The following GALNT13 variants were observed in gnomAD, a reference collection of about 807,000 sequenced individuals.
The protein encoded by GALNT13 is polypeptide N-acetylgalactosaminyltransferase 13, also known as UDP-GalNAc:polypeptide N-acetylgalactosaminyltransferase 13.
A neutral mutation model predicts 64.2 loss-of-function variants in GALNT13; 28 were observed. The observed-to-expected ratio is 0.44, with a 90% CI of 0.32 to 0.60. The LOEUF (loss-of-function observed/expected upper bound fraction) is 0.60. GALNT13 is among the 20% of genes least tolerant of loss of function. The pLI, the probability that GALNT13 is intolerant of heterozygous loss-of-function variation, is 0.05. For missense variants in GALNT13, 577 were observed against 669.8 expected, an observed-to-expected ratio of 0.86 and a Z score of 1.53; for synonymous variants, 214 against 224.6, an observed-to-expected ratio of 0.95 and a Z score of 0.42.
intron 9 of GALNT13, among the ~76,000 whole-genome samples, chr2:154,369,696 C>G (rs867962838): frequency 2.0e-5 from 3 of 152,102 alleles, no homozygotes; most frequent in African/African-American, 7.2e-5. Context: ...GGCAGATATT[C>G]GAATCACAGC....
At chr2:154,424,111 T>TA (rs1700370839) in intron 11 of GALNT13, among the ~76,000 whole-genome samples, 1 of 152,148 alleles carries the variant, frequency 6.6e-6, no homozygotes, top group African/African-American at 2.4e-5. Context: ...ATATGATGAC[T>TA]AAAAATATAT....
chr2:153,609,373 A>G, the GALNT13 span, among the ~76,000 whole-genome samples: 1 of 152,342 alleles, frequency 6.6e-6, no homozygotes, highest in African/African-American at 2.4e-5. Flanking sequence ...ATCATAGTTC[A>G]TAATGACTTC....
At chr2:153,610,698 T>A in the GALNT13 span, among the ~76,000 whole-genome samples, 2 of 151,650 alleles carry the variant, frequency 1.3e-5, no homozygotes, top group Admixed American at 6.6e-5. Flanking sequence ...ATAAACAGAT[T>A]GGGTTAAAAA....
the GALNT13 span, among the ~76,000 whole-genome samples, chr2:153,197,050 A>T: frequency 6.6e-6 from 1 of 152,162 alleles, no homozygotes; most frequent in African/African-American, 2.4e-5. Context: ...CAAGCCCCAA[A>T]GTGATGTGTA....
chr2:154,118,013 T>C (rs1681700231), intron 3 of GALNT13, among the ~76,000 whole-genome samples: 1 of 152,216 alleles, frequency 6.6e-6, no homozygotes, highest in Admixed American at 6.5e-5. Context: ...GAAGATTCTA[T>C]ACATGTCTGT....
At chr2:154,099,212 TCTTA>T (rs1363531193) in intron 3 of GALNT13, among the ~76,000 whole-genome samples, 3 of 152,176 alleles carry the variant, frequency 2.0e-5, no homozygotes, top group Non-Finnish European at 4.4e-5. Flanking sequence ...TGCTTGCATG[TCTTA>T]CTTTGAGAAA....
chr2:154,229,990 A>G (rs1484207358), intron 4 of GALNT13, among the ~76,000 whole-genome samples: 1 of 152,146 alleles, frequency 6.6e-6, no homozygotes, highest in African/African-American at 2.4e-5. Flanking sequence ...AATACTCCAC[A>G]GATGCACTAT....
intron 11 of GALNT13, among the ~76,000 whole-genome samples, chr2:154,418,494 G>A (rs561517549): frequency 1.3e-5 from 2 of 152,296 alleles, no homozygotes; most frequent in South Asian, 4.1e-4. Context: ...TAGTGGCAGA[G>A]CTTGGAGTAA....
the GALNT13 span, among the ~76,000 whole-genome samples, chr2:153,282,192 A>G: frequency 2.2e-4 from 33 of 152,212 alleles, no homozygotes; most frequent in African/African-American, 7.9e-4. Context: ...TTTCAAATGT[A>G]TTTTTGAAAT....
intron 9 of GALNT13, among the ~76,000 whole-genome samples, chr2:154,359,289 C>A (rs1320650280): frequency 6.6e-6 from 1 of 152,014 alleles, no homozygotes; most frequent in Non-Finnish European, 1.5e-5. Context: ...CTAGGGAAAA[C>A]TGAGATTCAA....
chr2:153,099,833 T>G, the GALNT13 span, among the ~76,000 whole-genome samples: 1 of 152,200 alleles, frequency 6.6e-6, no homozygotes, highest in South Asian at 2.1e-4. Flanking sequence ...TCACACAGTA[T>G]GCAGCAAGTC....
At chr2:153,759,883 G>A in the GALNT13 span, among the ~76,000 whole-genome samples, 2 of 151,940 alleles carry the variant, frequency 1.3e-5, no homozygotes, top group African/African-American at 4.8e-5. Flanking sequence ...ATTTATATTA[G>A]TTCTCCTTTA....
At chr2:154,298,203 A>G (rs1250914803) in intron 8 of GALNT13, among the ~76,000 whole-genome samples, 2 of 151,674 alleles carry the variant, frequency 1.3e-5, no homozygotes, top group Non-Finnish European at 2.9e-5. Context: ...AGGAGACTCC[A>G]AGAAAACAGT....
intron 3 of GALNT13, among the ~76,000 whole-genome samples, chr2:153,964,651 T>C (rs1693201083): frequency 6.6e-6 from 1 of 152,016 alleles, no homozygotes; most frequent in Non-Finnish European, 1.5e-5. Context: ...AGATATTTCA[T>C]TGAAGGATAA....
chr2:153,345,806 T>C, the GALNT13 span, among the ~76,000 whole-genome samples: 1 of 150,588 alleles, frequency 6.6e-6, no homozygotes. Flanking sequence ...TCTCTCTTTC[T>C]TTCCTTTCTG....
chr2:154,292,352 T>C (rs1692693169), intron 8 of GALNT13, among the ~76,000 whole-genome samples: 1 of 152,258 alleles, frequency 6.6e-6, no homozygotes, highest in Non-Finnish European at 1.5e-5. Context: ...TCTATTTCAC[T>C]GCCATCACCT....
chr2:154,183,463 G>A (rs538501755), intron 4 of GALNT13, among the ~76,000 whole-genome samples: 1 of 152,264 alleles, frequency 6.6e-6, no homozygotes, highest in East Asian at 1.9e-4. Context: ...TGTAATCCCA[G>A]CACTTTGGGA....
chr2:154,006,401 AT>A (rs1406304895), intron 3 of GALNT13, among the ~76,000 whole-genome samples: 1 of 152,218 alleles, frequency 6.6e-6, no homozygotes, highest in African/African-American at 2.4e-5. Flanking sequence ...TTTTCTAATA[AT>A]TCATCACAAA....
At chr2:154,077,707 A>G (rs1701061430) in intron 3 of GALNT13, among the ~76,000 whole-genome samples, 1 of 151,560 alleles carries the variant, frequency 6.6e-6, no homozygotes, top group Non-Finnish European at 1.5e-5. Flanking sequence ...CATTGACATC[A>G]AGGAATGTAT....
Sources: gnomAD v4.1 joint callset for allele counts (sites outside exome capture counted in the v4.1 genomes callset) on GRCh38, gnomAD v4.1.1 for gene constraint, MANE v1.5 for transcripts, NCBI Gene and HGNC (gene_info 2026-07-23, HGNC 2026-07-21) for gene names.